ADAMTS9: variants seen among roughly 807,000 people sequenced by gnomAD.
ADAMTS9 encodes the protein ADAM metallopeptidase with thrombospondin type 1 motif 9.
Under a neutral mutation model 257.1 loss-of-function variants are expected in ADAMTS9, and 107 were observed. That is an observed-to-expected ratio of 0.42 (90% CI 0.36 to 0.49). ADAMTS9 has a LOEUF of 0.49. Among genes scored for constraint, ADAMTS9 ranks in the 20% least tolerant of loss-of-function variants. The pLI is 0.03. For missense variants in ADAMTS9, 2,353 were observed against 2,469.1 expected (o/e 0.95, Z 1.00); for synonymous variants, 982 against 880.9 (o/e 1.11, Z -2.03).
chr3:64,585,017 G>C (rs1576079267), intron 28 of ADAMTS9, among the ~76,000 whole-genome samples: 1 of 152,144 alleles, frequency 6.6e-6, no homozygotes, highest in African/African-American at 2.4e-5. Context: ...AATGTAATAA[G>C]GAGTTCAGCA....
intron 3 of ADAMTS9, among the ~76,000 whole-genome samples, chr3:64,663,696 A>ACCC (rs1443229517): frequency 2.0e-5 from 3 of 152,260 alleles, no homozygotes; most frequent in Admixed American, 2.0e-4. Context: ...ACCCACAAGT[A>ACCC]ATCTGTGTAT....
At position 64,683,985 on chromosome 3, in the gene ADAMTS9, A is replaced by G. The variant is rs1701826522; in HGVS notation, c.516+2583T>C. 2.0e-5 allele frequency among the ~76,000 whole-genome samples: 3 copies of G among 152,166 alleles called. No individual in the cohort carries two copies. In the South Asian group the frequency reaches 6.2e-4, roughly 32 times the overall value. ...GGGAAAGAAGAGATATAAATTATAT[A>G]CACCTCCAAAGAAGGGTAGGATTTG... On this transcript the variant is annotated intron_variant, in intron 2 of 39. Transcript: ENST00000498707.
At chr3:64,657,102 T>C (rs2106964431) in intron 4 of ADAMTS9, among the ~76,000 whole-genome samples, 1 of 152,238 alleles carries the variant, frequency 6.6e-6, no homozygotes, top group African/African-American at 2.4e-5. Context: ...AGAAGCTGTA[T>C]ATGCGAACAT....
chr3:64,572,039 C>G lies in ADAMTS9; in HGVS notation c.4357-3504G>C, dbSNP rs1009262552. On this transcript the variant is annotated intron_variant, in intron 28 of 39. Transcript: ENST00000498707. ...TTGCTCTAGGGAATATTTAATTCCT[C>G]AAATTCACAGCCAAAAAGCCTCCTA... is the stretch of plus-strand genomic sequence containing the variant. 3.4e-5 allele frequency among the ~76,000 whole-genome samples: 5 copies of G among 148,190 alleles called. No individual in the cohort carries two copies. In the South Asian group the frequency reaches 8.4e-4, roughly 25 times the overall value.
At chr3:64,564,400 T>C (rs2083488159) in intron 29 of ADAMTS9, among the ~76,000 whole-genome samples, 1 of 152,250 alleles carries the variant, frequency 6.6e-6, no homozygotes, top group Non-Finnish European at 1.5e-5. Context: ...TAGTTTTATA[T>C]ACTTTCTTCC....
chr3:64,681,951 A>G (rs1347956619), intron 2 of ADAMTS9, among the ~76,000 whole-genome samples: 1 of 152,208 alleles, frequency 6.6e-6, no homozygotes, highest in Non-Finnish European at 1.5e-5. Context: ...AGGGACAAGT[A>G]TGCACTCCAG....
At chr3:64,587,278 A>G (rs1287169995) in intron 28 of ADAMTS9, 1 of 152,350 alleles carries the variant, frequency 6.6e-6, no homozygotes, top group East Asian at 1.9e-4. Context: ...CACCAGATGC[A>G]TGGGCATCCT....
At chr3:64,553,533 A>G (rs941201031) in intron 30 of ADAMTS9, among the ~76,000 whole-genome samples, 1 of 151,790 alleles carries the variant, frequency 6.6e-6, no homozygotes, top group African/African-American at 2.4e-5. Context: ...TTAAACACCT[A>G]TTTTCCATTC....
Position 64,686,469 on chromosome 3 carries a change from C to T in ADAMTS9, c.516+99G>A, listed in dbSNP as rs1701910217. 1 of 1,422,362 alleles carries T rather than the reference C, an allele frequency of 7.0e-7. No individual in the cohort carries two copies. The allele number at this position is 1,422,362 out of a possible 1,614,324, so 88.1% of individuals were successfully genotyped here. On this transcript the variant is annotated intron_variant, in intron 2 of 39. Transcript: ENST00000498707. The surrounding 1 kb of genome is among the most constrained non-coding windows in gnomAD (Gnocchi z 4.6). Reference sequence around the variant, plus strand: ...ATTTAACGCCGGAGAGGAGCGGAGCCTCGCCACAGTGAGGGTCTCTAGGCT... The same window carrying T: ...ATTTAACGCCGGAGAGGAGCGGAGCTTCGCCACAGTGAGGGTCTCTAGGCT...
intron 29 of ADAMTS9, among the ~76,000 whole-genome samples, chr3:64,563,854 G>A (rs1016332371): frequency 2.0e-5 from 3 of 152,180 alleles, no homozygotes; most frequent in Admixed American, 2.0e-4. Context: ...TGCTCAAAAT[G>A]AGGTCCACTC....
At chr3:64,665,141 G>T (rs1329196124) in intron 3 of ADAMTS9, among the ~76,000 whole-genome samples, 1 of 152,154 alleles carries the variant, frequency 6.6e-6, no homozygotes, top group Non-Finnish European at 1.5e-5. Context: ...GTTTAAAAAA[G>T]CTCTAACTGG....
In ADAMTS9 at chr3:64,613,475, C is replaced by A. The variant is rs781662664; in HGVS notation, c.3224G>T (p.Arg1075Leu). 1.2e-6 allele frequency: 2 copies of A among 1,613,660 alleles called. No homozygotes were observed. The highest frequency in any genetic ancestry group is 1.3e-5 in the African/African-American group (1 of 74,912). ...LVTCGKGHKHRQVWCQFGEDR... is the reference protein window; with the variant it reads ...LVTCGKGHKHLQVWCQFGEDR... ...TTCACCAAACTGACACCAGACCTGG[C>A]GGTGCTTATGCCCTTTTCCACAGGT... The change falls in exon 22 of 40, where the codon CGC becomes CTC. Residue 1075 changes from arginine to leucine, a missense_variant. Transcript: ENST00000498707.
intron 23 of ADAMTS9, 106 bp downstream of exon 23, chr3:64,606,854 A>G: frequency 7.1e-7 from 1 of 1,410,138 alleles, no homozygotes; most frequent in Non-Finnish European, 9.8e-7. Context: ...TGGTTGCTCT[A>G]CTGACATACT....
chr3:64,652,181 A>T (rs981943008), intron 8 of ADAMTS9, among the ~76,000 whole-genome samples: 1 of 152,196 alleles, frequency 6.6e-6, no homozygotes, highest in Non-Finnish European at 1.5e-5. Flanking sequence ...GTTCATCTTG[A>T]TTACAGAAAT....
chr3:64,624,909 T>C (rs1700191180), intron 16 of ADAMTS9, among the ~76,000 whole-genome samples: 1 of 152,184 alleles, frequency 6.6e-6, no homozygotes, highest in African/African-American at 2.4e-5. Context: ...GTACCACTGC[T>C]CCTTGAATAA....
At chr3:64,650,867 C>CAT (rs1700914474) in intron 9 of ADAMTS9, 150 bp downstream of exon 9, 2 of 477,318 alleles carry the variant, frequency 4.2e-6, no homozygotes. Context: ...TGTCAGAGAG[C>CAT]TTTTTTTTTT....
rs763239464 is a variant in ADAMTS9, at chr3:64,686,592, G to C, written c.492C>G (p.Ala164=). The C allele has an allele frequency of 3.1e-6, 5 of 1,612,242 alleles. No homozygotes were observed. Among genetic ancestry groups the C allele is most frequent in the South Asian group, 2.2e-5 (2 of 90,654 alleles). Residue 164 remains alanine (A), a synonymous_variant, in exon 2 of 40, where the codon GCC becomes GCG. Coordinates refer to ENST00000498707, the MANE Select transcript of ADAMTS9 (RefSeq NM_182920.2). This position sits in a 1 kb window ranked among gnomAD's most constrained non-coding sequence, Gnocchi z 4.6. ...CCATTCCTGAGCAGAGGCTGATGAC[G>C]GCCGTGTGCTCGGAGTTGGTATTGA... ...GYVNTNSEHT[A]VISLCSGMLG... is the part of the protein sequence containing the mutation.
chr3:64,633,242 G>A (rs371903107), intron 14 of ADAMTS9, among the ~76,000 whole-genome samples: 1 of 152,176 alleles, frequency 6.6e-6, no homozygotes, highest in Non-Finnish European at 1.5e-5. Flanking sequence ...GACCCCCACA[G>A]AGACTGAAAA....
intron 39 of ADAMTS9, 66 bp downstream of exon 39, chr3:64,522,100 G>A: frequency 7.2e-7 from 1 of 1,381,798 alleles, no homozygotes; most frequent in Non-Finnish European, 1.0e-6. Context: ...TCCCACATTT[G>A]CTCATATAGG....
Sources: allele counts gnomAD v4.1 joint callset (sites outside exome capture counted in the v4.1 genomes callset), GRCh38; gene constraint gnomAD v4.1.1; non-coding constraint Gnocchi (gnomAD v3.1); transcripts MANE v1.5; gene names NCBI Gene and HGNC (gene_info 2026-07-23, HGNC 2026-07-21).